ACOXL: variants seen among roughly 807,000 people sequenced by gnomAD.
ACOXL encodes the protein acyl-coenzyme A oxidase-like protein.
Under a neutral mutation model 71.9 loss-of-function variants are expected in ACOXL, and 70 were observed. The ratio of observed to expected loss-of-function variants is 0.97; its 90% CI spans 0.80 to 1.19. The LOEUF (loss-of-function observed/expected upper bound fraction) is 1.19, where lower values mean the gene tolerates loss of function less well. Ranked by LOEUF, ACOXL falls within the 50% of genes most tolerant of loss-of-function variation. The pLI is 0.00. For missense variants in ACOXL, 703 were observed against 736.3 expected, an observed-to-expected ratio of 0.95 and a Z score of 0.52; for synonymous variants, 253 against 281.6, an observed-to-expected ratio of 0.90 and a Z score of 1.02.
intron 14 of ACOXL, among the ~76,000 whole-genome samples, chr2:111,029,395 G>A (rs750618959): frequency 1.3e-5 from 2 of 152,182 alleles, no homozygotes; most frequent in East Asian, 1.9e-4. Flanking sequence ...CAATACTCTC[G>A]AAGTTAATGC....
chr2:110,931,619 A>C (rs879876076), intron 11 of ACOXL, among the ~76,000 whole-genome samples: 2 of 152,176 alleles, frequency 1.3e-5, no homozygotes, highest in African/African-American at 4.8e-5. Flanking sequence ...AGGGACCTTG[A>C]CTGAGGTATG....
chr2:110,751,628 A>C lies in ACOXL; in HGVS notation c.-22-16740A>C, dbSNP rs575910049. ...GCAAAAATCTTAAGTGTACATTCTC[A>C]GGGCTTTGCCAAATATATACACCTA... is the stretch of plus-strand genomic sequence containing the variant. On this transcript the variant is annotated intron_variant, in intron 1 of 17. Transcript: ENST00000439055. 5.9e-5 allele frequency among the ~76,000 whole-genome samples: 9 copies of C among 152,338 alleles called. No homozygotes were observed. The East Asian group carries it at 1.7e-3, about 29-fold the overall frequency.
chr2:110,872,352 T>C (rs1252636163), intron 10 of ACOXL, among the ~76,000 whole-genome samples: 2 of 152,116 alleles, frequency 1.3e-5, no homozygotes, highest in African/African-American at 2.4e-5. Flanking sequence ...TGCCAGAAAT[T>C]TGTGGCTCCC....
At chr2:110,806,970 G>A (rs183071138) in intron 9 of ACOXL, among the ~76,000 whole-genome samples, 12 of 152,244 alleles carry the variant, frequency 7.9e-5, no homozygotes, top group African/African-American at 2.9e-4. Context: ...GGAGCGGGGT[G>A]GGGGTGGTGT....
chr2:110,863,769 T>C (rs992354668), intron 10 of ACOXL, among the ~76,000 whole-genome samples: 5 of 152,044 alleles, frequency 3.3e-5, no homozygotes, highest in Admixed American at 6.5e-5. Context: ...GGTTTCTCTG[T>C]GGGGGGAGGG....
chr2:110,945,461 G>GT lies in ACOXL; in HGVS notation c.1059+11824dup, dbSNP rs1319437336. 5.9e-5 allele frequency among the ~76,000 whole-genome samples: 9 copies of GT among 151,776 alleles called. No homozygotes were observed. In the South Asian group the frequency reaches 1.9e-3, roughly 32 times the overall value. On this transcript the variant is annotated intron_variant, in intron 12 of 17. Coordinates refer to ENST00000439055, the MANE Select transcript of ACOXL (RefSeq NM_001142807.4). ...GGCATTTCCTAGGTTATCTTCCAGG[G>GT]TTTTTATAGTTTTAGGTTTTATATT...
At chr2:110,876,448 C>T (rs895130908) in intron 10 of ACOXL, among the ~76,000 whole-genome samples, 8 of 152,096 alleles carry the variant, frequency 5.3e-5, no homozygotes, top group Admixed American at 2.0e-4. Flanking sequence ...GGCTGAGGCC[C>T]GTCCCTCTGG....
chr2:110,886,643 T>C, intron 10 of ACOXL: 5 of 1,128,132 alleles, frequency 4.4e-6, no homozygotes, highest in Non-Finnish European at 6.3e-6. Context: ...CTTCTCAAAA[T>C]GCTGGGATTA....
At chr2:111,102,497 T>G (rs2069233544) in intron 17 of ACOXL, among the ~76,000 whole-genome samples, 1 of 152,192 alleles carries the variant, frequency 6.6e-6, no homozygotes, top group South Asian at 2.1e-4. Flanking sequence ...GGCAGCTGCA[T>G]TGTCCTGGTC....
At chr2:110,829,185 T>C (rs1189527003) in intron 9 of ACOXL, among the ~76,000 whole-genome samples, 1 of 152,244 alleles carries the variant, frequency 6.6e-6, no homozygotes, top group Non-Finnish European at 1.5e-5. Flanking sequence ...TGATACTTGT[T>C]ATATTTCGTT....
intron 16 of ACOXL, among the ~76,000 whole-genome samples, chr2:111,073,070 A>G (rs916263777): frequency 1.3e-5 from 2 of 152,226 alleles, no homozygotes; most frequent in Non-Finnish European, 2.9e-5. Context: ...AGTGAAACTG[A>G]TAAAATCATT....
At chr2:110,898,637 G>A (rs954325391) in intron 10 of ACOXL, among the ~76,000 whole-genome samples, 1 of 152,146 alleles carries the variant, frequency 6.6e-6, no homozygotes, top group Non-Finnish European at 1.5e-5. Context: ...AACATTACAC[G>A]TTATGGTAAA....
In ACOXL at chr2:110,805,247, C is replaced by T. The variant is rs925965590; in HGVS notation, c.621-16C>T. The T allele has an allele frequency of 1.2e-6, 2 of 1,613,718 alleles. No homozygotes were observed. On this transcript the variant is annotated splice_polypyrimidine_tract_variant and intron_variant, in intron 8 of 17. Transcript: ENST00000439055. ...TGTCCTGCTTTTTTGTGAAACCCCA[C>T]CTCTCTTTTCCACAGGTTTGGTTCC...
chr2:111,007,399 T>C (rs1234730013), intron 14 of ACOXL, among the ~76,000 whole-genome samples: 2 of 152,222 alleles, frequency 1.3e-5, no homozygotes, highest in African/African-American at 4.8e-5. Context: ...GCAAGAGTTG[T>C]CTCTTCTCCA....
chr2:111,085,589 T>C (rs2880112), intron 16 of ACOXL, among the ~76,000 whole-genome samples: 67,361 of 151,664 alleles, frequency 0.44, 15,083 homozygotes, highest in East Asian at 0.57. Flanking sequence ...GTGTTAAGAG[T>C]GAAATTTATA....
At chr2:110,894,134 T>C (rs994489717) in intron 10 of ACOXL, among the ~76,000 whole-genome samples, 2 of 152,256 alleles carry the variant, frequency 1.3e-5, no homozygotes, top group Admixed American at 1.3e-4. Flanking sequence ...CAGGAAAATG[T>C]AGTGGGTATA....
intron 14 of ACOXL, among the ~76,000 whole-genome samples, chr2:110,997,719 T>C (rs562474889): frequency 1.3e-5 from 2 of 152,148 alleles, no homozygotes; most frequent in African/African-American, 2.4e-5. Flanking sequence ...ATAAAAAGAT[T>C]GGCGGTCCCT....
At chr2:110,799,166 G>T in intron 7 of ACOXL, 66 bp downstream of exon 7, 1 of 1,479,502 alleles carries the variant, frequency 6.8e-7, no homozygotes, top group South Asian at 1.1e-5. Flanking sequence ...GACTCAAGGA[G>T]AATCTAACCT....
chr2:110,863,606 G>A (rs1436881395), intron 10 of ACOXL, among the ~76,000 whole-genome samples: 1 of 152,128 alleles, frequency 6.6e-6, no homozygotes, highest in Non-Finnish European at 1.5e-5. Context: ...CCCCCCAACT[G>A]GTTGGTAACA....
Sources: allele counts gnomAD v4.1 joint callset (sites outside exome capture counted in the v4.1 genomes callset), GRCh38; gene constraint gnomAD v4.1.1; transcripts MANE v1.5; gene names NCBI Gene and HGNC (gene_info 2026-07-23, HGNC 2026-07-21).